RARB: variants seen among roughly 807,000 people sequenced by gnomAD.
RARB encodes the protein retinoic acid receptor beta, also known as HBV-activated protein.
In RARB, 17 loss-of-function variants were observed where a neutral mutation model predicts 51.9. That is an observed-to-expected ratio of 0.33 (90% CI 0.22 to 0.49). RARB has a LOEUF of 0.49. Among genes scored for constraint, RARB ranks in the 20% least tolerant of loss-of-function variants. RARB has a pLI of 0.99. For missense variants in RARB, 369 were observed against 550.8 expected (o/e 0.67, Z 3.30); for synonymous variants, 215 against 195.4 (o/e 1.10, Z -0.84).
At chr3:24,966,607 T>C (rs1265688468) in intron 2 of RARB, among the ~76,000 whole-genome samples, 3 of 18,882 alleles carry the variant, frequency 1.6e-4, no homozygotes, top group Non-Finnish European at 3.1e-4. Context: ...TTTACATTCA[T>C]CTCTCTCTCT....
chr3:24,955,011 A>G (rs796920912), intron 2 of RARB, among the ~76,000 whole-genome samples: 1 of 152,284 alleles, frequency 6.6e-6, no homozygotes, highest in African/African-American at 2.4e-5. Context: ...AGCTCAATGG[A>G]GAGTCAGGGT....
chr3:25,311,778 G>A (rs552325094), intron 5 of RARB, among the ~76,000 whole-genome samples: 1 of 152,284 alleles, frequency 6.6e-6, no homozygotes, highest in South Asian at 2.1e-4. Flanking sequence ...GCTTTCCCCA[G>A]GGCACATATG....
chr3:25,318,389 A>C (rs937620775), intron 5 of RARB, among the ~76,000 whole-genome samples: 19 of 152,204 alleles, frequency 1.2e-4, no homozygotes, highest in African/African-American at 4.3e-4. Context: ...TCTAATGTAA[A>C]ATAAATGACT....
intron 5 of RARB, among the ~76,000 whole-genome samples, chr3:25,327,575 G>A (rs887808583): frequency 6.6e-6 from 1 of 152,166 alleles, no homozygotes; most frequent in Admixed American, 6.5e-5. Flanking sequence ...GATACGTAAG[G>A]TCTCAGAATG....
intron 2 of RARB, among the ~76,000 whole-genome samples, chr3:24,922,290 A>C (rs1160168298): frequency 6.6e-6 from 1 of 152,176 alleles, no homozygotes; most frequent in African/African-American, 2.4e-5. Flanking sequence ...GGCACACAGA[A>C]CTGCACGTTG....
intron 5 of RARB, among the ~76,000 whole-genome samples, chr3:25,217,014 T>A (rs1595159): frequency 0.47 from 71,752 of 151,904 alleles, 17,919 homozygotes; most frequent in East Asian, 0.67. Context: ...GATGGCTTCT[T>A]AGGTGGTGAT....
At chr3:25,578,666 G>A (rs1315617480) in intron 4 of RARB, among the ~76,000 whole-genome samples, 3 of 152,176 alleles carry the variant, frequency 2.0e-5, no homozygotes, top group African/African-American at 7.2e-5. Context: ...AGGTCCTTGA[G>A]GAAGGAATAA....
chr3:25,070,468 A>G (rs1021967085), intron 3 of RARB, among the ~76,000 whole-genome samples: 4 of 152,232 alleles, frequency 2.6e-5, no homozygotes, highest in African/African-American at 9.6e-5. Context: ...GCACTTAACT[A>G]GAAATCACTG....
intron 5 of RARB, among the ~76,000 whole-genome samples, chr3:25,286,163 A>C (rs914457758): frequency 8.0e-6 from 1 of 125,786 alleles, no homozygotes; most frequent in Non-Finnish European, 1.6e-5. Context: ...ATCTCAGCTC[A>C]CTGCAAGCTC....
chr3:25,566,411 C>T (rs554438743), intron 3 of RARB, among the ~76,000 whole-genome samples: 2 of 152,260 alleles, frequency 1.3e-5, no homozygotes, highest in South Asian at 2.1e-4. Context: ...GGAAAGTAGC[C>T]TGAGGTTACA....
At chr3:25,150,200 C>CA (rs34908200) in intron 4 of RARB, among the ~76,000 whole-genome samples, 3,563 of 140,062 alleles carry the variant, frequency 0.025, 45 homozygotes, top group Non-Finnish European at 0.028. Flanking sequence ...GGCTCTGTCT[C>CA]AAAAAAAAAA....
At chr3:25,475,307 G>A (rs1398230729) in intron 2 of RARB, among the ~76,000 whole-genome samples, 1 of 152,070 alleles carries the variant, frequency 6.6e-6, no homozygotes, top group Non-Finnish European at 1.5e-5. Flanking sequence ...TCAGAAATAT[G>A]AGCATTGGAT....
intron 3 of RARB, among the ~76,000 whole-genome samples, chr3:25,512,468 A>G (rs930749626): frequency 2.0e-5 from 3 of 150,568 alleles, no homozygotes; most frequent in African/African-American, 7.3e-5. Flanking sequence ...ATGTGTTAGC[A>G]TGGGCAGAGA....
chr3:25,338,036 C>T (rs1705114895), intron 5 of RARB, among the ~76,000 whole-genome samples: 2 of 150,868 alleles, frequency 1.3e-5, no homozygotes, highest in South Asian at 4.3e-4. Flanking sequence ...ACAGGTTTCA[C>T]AATAAAATCA....
intron 1 of RARB, among the ~76,000 whole-genome samples, chr3:25,435,685 T>G (rs934627736): frequency 2.0e-5 from 3 of 152,218 alleles, no homozygotes; most frequent in Non-Finnish European, 4.4e-5. Context: ...ATGCTTTCAT[T>G]GGCTTTAATG....
At chr3:25,383,988 T>C (rs1336395346) in intron 5 of RARB, among the ~76,000 whole-genome samples, 5 of 152,150 alleles carry the variant, frequency 3.3e-5, no homozygotes, top group Admixed American at 1.3e-4. Flanking sequence ...ACATAGGTAT[T>C]AGACTACACA....
At chr3:24,980,203 T>G (rs569666366) in intron 2 of RARB, among the ~76,000 whole-genome samples, 1 of 152,276 alleles carries the variant, frequency 6.6e-6, no homozygotes, top group African/African-American at 2.4e-5. Context: ...CCCTTAACAT[T>G]TTTTTCCTTC....
At chr3:25,174,787 T>C (rs572032270) in intron 5 of RARB, among the ~76,000 whole-genome samples, 1 of 152,326 alleles carries the variant, frequency 6.6e-6, no homozygotes, top group East Asian at 1.9e-4. Flanking sequence ...CAAAGCTGCT[T>C]TGGTATTTTG....
At chr3:25,159,416 C>CCCA (rs891290965) in intron 4 of RARB, among the ~76,000 whole-genome samples, 1 of 150,822 alleles carries the variant, frequency 6.6e-6, no homozygotes, top group Non-Finnish European at 1.5e-5. Flanking sequence ...TGATCCACCC[C>CCCA]CCCCGCTCCC....
Sources: allele counts gnomAD v4.1 joint callset (sites outside exome capture counted in the v4.1 genomes callset), GRCh38; gene constraint gnomAD v4.1.1; transcripts MANE v1.5; gene names NCBI Gene and HGNC (gene_info 2026-07-23, HGNC 2026-07-21).